RIOX2: variants seen among roughly 807,000 people sequenced by gnomAD.
RIOX2 encodes the protein 60S ribosomal protein L27a histidine hydroxylase.
RIOX2 carries 43 observed loss-of-function variants against 51.2 expected under a neutral mutation model. The observed-to-expected ratio is 0.84, with a 90% CI of 0.66 to 1.08. The LOEUF is 1.08. Ranked by LOEUF, RIOX2 falls within the 50% of genes least tolerant of loss-of-function variation. RIOX2 has a pLI of 0.00. For synonymous variants in RIOX2, 226 were observed against 218.5 expected (o/e 1.03, Z -0.30); for missense variants, 566 against 561.7 (o/e 1.01, Z -0.08).
chr3:97,957,729 G>A (rs1214798708), intron 4 of RIOX2, among the ~76,000 whole-genome samples: 1 of 152,146 alleles, frequency 6.6e-6, no homozygotes, highest in African/African-American at 2.4e-5. Context: ...ACCGGCCTGA[G>A]TAACTCAGCC....
At chr3:97,958,871 T>C (rs893059572) in intron 4 of RIOX2, among the ~76,000 whole-genome samples, 180 bp downstream of exon 4, 3 of 152,134 alleles carry the variant, frequency 2.0e-5, no homozygotes, top group Non-Finnish European at 4.4e-5. Context: ...CCACCAAGAC[T>C]CCTTCAGAAA....
At position 97,967,365 on chromosome 3, in the gene RIOX2, AG is replaced by A. The variant is rs747880164; in HGVS notation, c.228del (p.Tyr77MetfsTer7). 11 of 1,614,138 alleles carry A rather than the reference AG, an allele frequency of 6.8e-6. No homozygotes were observed. The highest frequency in any genetic ancestry group is 1.7e-5 in the Admixed American group (1 of 60,018). On this transcript the variant is annotated frameshift_variant, in exon 2 of 10. Coordinates refer to ENST00000394198, the MANE Select transcript of RIOX2 (RefSeq NM_153182.4). LOFTEE classifies it high-confidence loss of function. ...TCTGTTAGCTTGAACAGGGACCCAT[AG>A]TATGTGGCCAGTGCAGGGTCATCTC... ...IQRDDPALAT[Y>X]YGSLFKLTDL...
chr3:97,953,122 TACTC>T (rs1705311056), intron 5 of RIOX2, among the ~76,000 whole-genome samples: 2 of 152,108 alleles, frequency 1.3e-5, no homozygotes, highest in Admixed American at 6.6e-5. Flanking sequence ...CACCCCTACT[TACTC>T]ATCCTTTAAG....
At chr3:97,962,327 A>G (rs1373792603) in intron 2 of RIOX2, among the ~76,000 whole-genome samples, 1 of 142,344 alleles carries the variant, frequency 7.0e-6, no homozygotes, top group Non-Finnish European at 1.5e-5. Context: ...AGAGTTTTAT[A>G]TTAGGAATGT....
At chr3:97,958,915 C>T in intron 4 of RIOX2, 136 bp downstream of exon 4, 1 of 942,532 alleles carries the variant, frequency 1.1e-6, no homozygotes, top group Non-Finnish European at 1.5e-6. Context: ...TGAGAAGCAC[C>T]CTGCCCTGAA....
intron 1 of RIOX2, chr3:97,972,041 C>T (rs1406521606): frequency 6.6e-6 from 1 of 152,232 alleles, no homozygotes; most frequent in Non-Finnish European, 1.5e-5. Flanking sequence ...GCCGGCACCA[C>T]CCTCCTTGCT....
rs1705678669 is a variant in RIOX2 at position 97,961,660 on chromosome 3, A to C, written c.481T>G (p.Leu161Val). ...GTTATGTACACATTCGAGCCAACCA[A>C]GGAGCCAAAGTAACATTCCAGCTTC... ...QEKLECYFGS[L>V]VGSNVYITPA... The change falls in exon 3 of 10, where the codon TTG becomes GTG. Residue 161 changes from leucine (L) to valine (V), a missense_variant. Leu to Val is a conservative substitution (Grantham distance 32). Coordinates refer to ENST00000394198, the MANE Select transcript of RIOX2 (RefSeq NM_153182.4). 6.2e-7 allele frequency: 1 copy of C among 1,612,602 alleles called. No individual in the cohort carries two copies. Among genetic ancestry groups the C allele is most frequent in the Non-Finnish European group, 8.5e-7 (1 of 1,179,576 alleles).
chr3:97,945,620 T>C (rs2040336604), intron 9 of RIOX2, 178 bp downstream of exon 9: 3 of 622,350 alleles, frequency 4.8e-6, no homozygotes, highest in Non-Finnish European at 5.6e-6. Context: ...CTGGTGTGCA[T>C]GTATCACAGA....
intron 1 of RIOX2, among the ~76,000 whole-genome samples, chr3:97,971,098 T>C (rs530462945): frequency 2.9e-4 from 44 of 152,358 alleles, no homozygotes; most frequent in Non-Finnish European, 4.9e-4. Flanking sequence ...GAGGGGATTA[T>C]TTTTCTGATT....
rs1275359872 is a variant in RIOX2, at chr3:97,943,056, A to G, written c.*2128T>C. 2 of 576,066 alleles carry G rather than the reference A, an allele frequency of 3.5e-6. No individual in the cohort carries two copies. The highest frequency in any genetic ancestry group is 6.1e-6 in the Non-Finnish European group (2 of 327,824). The allele number at this position is 576,066 out of a possible 1,614,324, so 35.7% of individuals were successfully genotyped here. On this transcript the variant is annotated 3_prime_UTR_variant, in exon 10 of 10. Coordinates refer to ENST00000394198, the MANE Select transcript of RIOX2 (RefSeq NM_153182.4). The stretch of plus-strand genomic sequence containing the variant: ...TTGAGTCATAATAAGGTCCAATTTG[A>G]GGTGAATAATGGCTAAGCCTGTTCA...
chr3:97,963,208 C>G (rs1340769989), intron 2 of RIOX2, among the ~76,000 whole-genome samples: 1 of 152,198 alleles, frequency 6.6e-6, no homozygotes, highest in Middle Eastern at 3.2e-3. Flanking sequence ...ACTGCAGCCT[C>G]GACATCCCAG....
rs534490283 is a variant in RIOX2, at chr3:97,950,649, C to T, written c.888+137G>A. On this transcript the variant is annotated intron_variant, in intron 6 of 9. Coordinates refer to ENST00000394198, the MANE Select transcript of RIOX2 (RefSeq NM_153182.4). ...ATGGCACTCCACTCATTCTGCAAGT[C>T]ACACAGCTCAGCAGTGCAGCACAGT... 8.0e-4 allele frequency: 527 copies of T among 657,306 alleles called. 3 individuals are homozygous for T. The Middle Eastern group carries it at 0.012, about 15-fold the overall frequency. 40.7% of individuals were successfully genotyped at this position (657,306 alleles called of 1,614,324 possible).
chr3:97,944,532 A>C lies in RIOX2; in HGVS notation c.*652T>G, dbSNP rs1310962902. On this transcript the variant is annotated 3_prime_UTR_variant, in exon 10 of 10. Transcript: ENST00000394198. The stretch of plus-strand genomic sequence containing the variant: ...CACTTTAGAATGTAAAATAACAATG[A>C]CTATTTTAAACTCGAAGACCCACTA... 1 of 152,344 alleles carries C rather than the reference A, an allele frequency of 6.6e-6. No individual in the cohort carries two copies. The highest frequency in any genetic ancestry group is 1.5e-5 in the Non-Finnish European group (1 of 67,906). The allele number at this position is 152,344 out of a possible 1,614,324, so 9.4% of individuals were successfully genotyped here. A position where few individuals can be genotyped will look rare whatever the true frequency, so the allele number is the denominator to read the frequency against.
chr3:97,949,710 TA>T, intron 7 of RIOX2, 133 bp downstream of exon 7: 1 of 764,180 alleles, frequency 1.3e-6, no homozygotes. Context: ...CCATATTCAC[TA>T]AGGATGGATG....
chr3:97,968,566 G>A (rs1370336186), intron 1 of RIOX2, among the ~76,000 whole-genome samples: 1 of 152,160 alleles, frequency 6.6e-6, no homozygotes, highest in Middle Eastern at 3.2e-3. Flanking sequence ...TGACACTGCT[G>A]AGTAGTCGAA....
At chr3:97,964,205 A>G (rs551241537) in intron 2 of RIOX2, among the ~76,000 whole-genome samples, 1 of 152,344 alleles carries the variant, frequency 6.6e-6, no homozygotes, top group East Asian at 1.9e-4. Context: ...ACTCAACGCC[A>G]TGGCTAAAAT....
At chr3:97,951,912 C>G (rs2107149358) in intron 5 of RIOX2, among the ~76,000 whole-genome samples, 1 of 152,348 alleles carries the variant, frequency 6.6e-6, no homozygotes, top group African/African-American at 2.4e-5. Context: ...ACAATATGTG[C>G]TTCCTTTGCA....
chr3:97,955,043 A>G (rs2107159247), intron 4 of RIOX2, among the ~76,000 whole-genome samples: 1 of 152,260 alleles, frequency 6.6e-6, no homozygotes, highest in Middle Eastern at 3.4e-3. Context: ...AATGATGGGC[A>G]TGTGATTGGA....
intron 3 of RIOX2, among the ~76,000 whole-genome samples, 199 bp from the exon 4 acceptor site, chr3:97,959,378 T>A (rs1031840482): frequency 6.8e-6 from 1 of 147,828 alleles, no homozygotes; most frequent in Non-Finnish European, 1.5e-5. Flanking sequence ...GAGTGCAGTG[T>A]CACAATTACA....
Sources: gnomAD v4.1 joint callset for allele counts (sites outside exome capture counted in the v4.1 genomes callset) on GRCh38, gnomAD v4.1.1 for gene constraint, MANE v1.5 for transcripts, NCBI Gene and HGNC (gene_info 2026-07-23, HGNC 2026-07-21) for gene names.